The following MARCHF4 variants were observed in gnomAD, a reference collection of about 807,000 sequenced individuals.
MARCHF4 encodes the protein membrane associated ring-CH-type finger 4.
A neutral mutation model predicts 43.9 loss-of-function variants in MARCHF4; 14 were observed. The ratio of observed to expected loss-of-function variants is 0.32; its 90% confidence interval spans 0.21 to 0.50. MARCHF4 has a LOEUF of 0.50. Ranked by LOEUF, MARCHF4 falls within the 20% of genes least tolerant of loss-of-function variation. The probability of loss-of-function intolerance (pLI) is 0.98; values close to 1 mark genes in which losing one functional copy is unlikely to be tolerated. For missense variants in MARCHF4, 468 were observed against 536.7 expected, an observed-to-expected ratio of 0.87 and a Z score of 1.27; for synonymous variants, 226 against 213.3, an observed-to-expected ratio of 1.06 and a Z score of -0.52.
intron 1 of MARCHF4, among the ~76,000 whole-genome samples, chr2:216,333,933 G>A (rs553886821): frequency 1.3e-5 from 2 of 151,866 alleles, no homozygotes; most frequent in South Asian, 2.1e-4. Context: ...CTCCTAAATC[G>A]AGGCCTGAAA....
chr2:216,345,310 C>T (rs567494951), intron 1 of MARCHF4, among the ~76,000 whole-genome samples: 118 of 151,924 alleles, frequency 7.8e-4, no homozygotes, highest in African/African-American at 2.8e-3. Context: ...TGATTCCCTG[C>T]TAAAAGGCCA....
intron 1 of MARCHF4, among the ~76,000 whole-genome samples, chr2:216,299,794 C>G (rs1691457662): frequency 6.6e-6 from 1 of 152,188 alleles, no homozygotes; most frequent in Non-Finnish European, 1.5e-5. Flanking sequence ...TTCTGCTGAT[C>G]TGACTTGGTT....
chr2:216,259,368 G>C lies in MARCHF4; in HGVS notation c.1177C>G (p.Gln393Glu), dbSNP rs2106079894. 4 of 1,599,448 alleles carry C rather than the reference G, an allele frequency of 2.5e-6. No individual in the cohort carries two copies. Among genetic ancestry groups the C allele is most frequent in the Non-Finnish European group, 1.7e-6 (2 of 1,170,192 alleles). ...HILSHLRPHE[Q>E]RSPPGSSREL... Reference sequence around the variant, plus strand: ...CGGCTGCTGCCTGGGGGACTTCGCTGTTCATGAGGTCTCAAGTGACTCAGG... The same window carrying C: ...CGGCTGCTGCCTGGGGGACTTCGCTCTTCATGAGGTCTCAAGTGACTCAGG... The change falls in exon 4 of 4, where the codon CAG becomes GAG. Residue 393 changes from glutamine to glutamate, a missense_variant. Around this residue, in one of 3 missense-constraint regions of MARCHF4, gnomAD observed 120 missense variants for 127.1 expected, o/e 0.94. Transcript: ENST00000273067.
In MARCHF4 at chr2:216,370,668, T is replaced by C. The variant is rs113866879; in HGVS notation, c.-408A>G. The stretch of plus-strand genomic sequence containing the variant: ...TGTTTAAAAGTTCCCCAGGAAAGGA[T>C]TATTGGGTTCTTCTCAAATTCCTAC... On this transcript the variant is annotated 5_prime_UTR_variant, in exon 1 of 4. Transcript: ENST00000273067. 2.7e-3 allele frequency: 438 copies of C among 164,106 alleles called. 1 individual carries two copies. Among genetic ancestry groups the C allele is most frequent in the African/African-American group, 9.4e-3 (394 of 41,982 alleles). 10.2% of individuals were successfully genotyped at this position (164,106 alleles called of 1,614,324 possible).
chr2:216,259,504 CGAG>C lies in MARCHF4; in HGVS notation c.1038_1040del (p.Ser347del), dbSNP rs1559279584. 6.2e-7 allele frequency: 1 copy of C among 1,614,152 alleles called. No individual in the cohort carries two copies. Among genetic ancestry groups the C allele is most frequent in the South Asian group, 1.1e-5 (1 of 91,092 alleles). On this transcript the variant is annotated inframe_deletion, in exon 4 of 4. Coordinates refer to ENST00000273067, the MANE Select transcript of MARCHF4 (RefSeq NM_020814.3). ...CAGGGGTGCCTGCGGTCTCCTCTTC[CGAG>C]GAGGGGATATTGGCCTGGGTGGATG...
intron 3 of MARCHF4, among the ~76,000 whole-genome samples, chr2:216,273,767 C>G (rs1045231028): frequency 6.6e-6 from 1 of 152,214 alleles, no homozygotes; most frequent in Non-Finnish European, 1.5e-5. Context: ...CTTCGTGCAG[C>G]AAGAAGACCA....
At position 216,348,032 on chromosome 2, in the gene MARCHF4, CTT is replaced by C. The variant is rs773695717; in HGVS notation, c.516+21711_516+21712del. Among the ~76,000 whole-genome samples the C allele has an allele frequency of 9.2e-3, 920 of 99,650 alleles. 4 individuals are homozygous for C. Among genetic ancestry groups the C allele is most frequent in the African/African-American group, 0.019 (489 of 25,798 alleles). The allele number at this position is 99,650 out of a possible 152,430, so 65.4% of individuals were successfully genotyped here. On this transcript the variant is annotated intron_variant, in intron 1 of 3. Coordinates refer to ENST00000273067, the MANE Select transcript of MARCHF4 (RefSeq NM_020814.3). ...TGCATTCTCAGGAGGTTAAGGCATTCTTTTTTTTTTTTTTTTTTTTTTTAGAC... is the reference window on the plus strand; with the variant it reads ...TGCATTCTCAGGAGGTTAAGGCATTCTTTTTTTTTTTTTTTTTTTTTAGAC...
rs373205909 is a variant in MARCHF4, at chr2:216,338,084, G to C, written c.516+31661C>G. Among the ~76,000 whole-genome samples the C allele has an allele frequency of 3.2e-4, 49 of 152,272 alleles. No homozygotes were observed. The Middle Eastern group carries it at 0.01, about 32-fold the overall frequency. On this transcript the variant is annotated intron_variant, in intron 1 of 3. Transcript: ENST00000273067. ...GATCCTGGAGGAGGGAACATGATGA[G>C]CCCACAGTTATTGGCTATGACCAGG...
At chr2:216,279,479 A>T (rs1691089690) in intron 2 of MARCHF4, among the ~76,000 whole-genome samples, 1 of 152,204 alleles carries the variant, frequency 6.6e-6, no homozygotes, top group Admixed American at 6.5e-5. Context: ...AGGTAGGGGG[A>T]GGACATCTTT....
chr2:216,271,533 C>A lies in MARCHF4; in HGVS notation c.865+6139G>T, dbSNP rs1369334063. On this transcript the variant is annotated intron_variant, in intron 3 of 3. Transcript: ENST00000273067. Reference sequence around the variant, plus strand: ...TGAGGGCAAGGAATTGTGTCTTATTCATCTTTTTGTGAATGTTCTCTAGTT... The same window carrying A: ...TGAGGGCAAGGAATTGTGTCTTATTAATCTTTTTGTGAATGTTCTCTAGTT... 2.0e-5 allele frequency among the ~76,000 whole-genome samples: 3 copies of A among 152,114 alleles called. No individual in the cohort carries two copies. In the East Asian group the frequency reaches 5.8e-4, roughly 29 times the overall value.
chr2:216,355,879 C>A (rs1411952471), intron 1 of MARCHF4, among the ~76,000 whole-genome samples: 1 of 152,168 alleles, frequency 6.6e-6, no homozygotes, highest in Non-Finnish European at 1.5e-5. Context: ...TCCCCCAACC[C>A]CTCAATCTTC....
intron 1 of MARCHF4, among the ~76,000 whole-genome samples, chr2:216,324,745 G>A (rs1691959976): frequency 1.6e-5 from 2 of 126,826 alleles, no homozygotes; most frequent in African/African-American, 6.8e-5. Context: ...TGCAGAAAAG[G>A]CCTTTGACAA....
chr2:216,309,307 A>T (rs1455413575), intron 1 of MARCHF4, among the ~76,000 whole-genome samples: 1 of 152,216 alleles, frequency 6.6e-6, no homozygotes, highest in Non-Finnish European at 1.5e-5. Flanking sequence ...GCTAGAAGAG[A>T]GGTAGAATTA....
chr2:216,259,783 T>G lies in MARCHF4; in HGVS notation c.866-104A>C. 2.5e-6 allele frequency: 3 copies of G among 1,185,856 alleles called. No homozygotes were observed. The South Asian group carries it at 4.3e-5, about 17-fold the overall frequency. 73.5% of individuals were successfully genotyped at this position (1,185,856 alleles called of 1,614,324 possible). ...ATCTATGCAAGGTATGGGCAATGGC[T>G]CCAGTGCTGAGCCATGGGAGGACCA... On this transcript the variant is annotated intron_variant, in intron 3 of 3. Coordinates refer to ENST00000273067, the MANE Select transcript of MARCHF4 (RefSeq NM_020814.3).
chr2:216,353,251 C>T (rs889256480), intron 1 of MARCHF4, among the ~76,000 whole-genome samples: 1 of 152,176 alleles, frequency 6.6e-6, no homozygotes, highest in African/African-American at 2.4e-5. Flanking sequence ...GGGGTTAGCC[C>T]CAAATTCACT....
chr2:216,284,648 G>C (rs79522113), intron 1 of MARCHF4, among the ~76,000 whole-genome samples: 2 of 151,836 alleles, frequency 1.3e-5, no homozygotes, highest in Non-Finnish European at 2.9e-5. Flanking sequence ...TATTTTTTTT[G>C]TGAGATGGGG....
At chr2:216,276,751 G>A (rs1357439606) in intron 3 of MARCHF4, among the ~76,000 whole-genome samples, 1 of 152,180 alleles carries the variant, frequency 6.6e-6, no homozygotes, top group Non-Finnish European at 1.5e-5. Flanking sequence ...TGACTTAGGG[G>A]ATAACCTGAG....
intron 2 of MARCHF4, among the ~76,000 whole-genome samples, chr2:216,279,089 A>T (rs573562216): frequency 6.6e-6 from 1 of 152,248 alleles, no homozygotes; most frequent in African/African-American, 2.4e-5. Context: ...CCTGCAATTT[A>T]TCAAGGGTAA....
chr2:216,364,266 C>G (rs1382409832), intron 1 of MARCHF4, among the ~76,000 whole-genome samples: 1 of 152,072 alleles, frequency 6.6e-6, no homozygotes, highest in Non-Finnish European at 1.5e-5. Flanking sequence ...ACTAGATGAG[C>G]TCCAGAGGTT....
Sources: gnomAD v4.1 joint callset for allele counts (sites outside exome capture counted in the v4.1 genomes callset) on GRCh38, gnomAD v4.1.1 for gene constraint, gnomAD v4.1.1 regional missense constraint, MANE v1.5 for transcripts, NCBI Gene and HGNC (gene_info 2026-07-23, HGNC 2026-07-21) for gene names.